KCTD9: variants seen among roughly 807,000 people sequenced by gnomAD.
The protein encoded by KCTD9 is potassium channel tetramerization domain containing 9.
In KCTD9, 17 loss-of-function variants were observed where a neutral mutation model predicts 53.3. The ratio of observed to expected loss-of-function variants is 0.32; its 90% CI spans 0.22 to 0.48. The LOEUF is 0.48. KCTD9 is among the 20% of genes least tolerant of loss of function. The pLI, the probability that KCTD9 is intolerant of heterozygous loss-of-function variation, is 0.99. For synonymous variants in KCTD9, 128 were observed against 162.7 expected, an observed-to-expected ratio of 0.79 and a Z score of 1.62; for missense variants, 179 against 465.5, an observed-to-expected ratio of 0.38 and a Z score of 5.66.
At chr8:25,433,474 T>C in intron 9 of KCTD9, 39 bp from the exon 10 acceptor site, 1 of 1,271,540 alleles carries the variant, frequency 7.9e-7, no homozygotes, top group Non-Finnish European at 1.1e-6. Context: ...GTAAGGTTCA[T>C]AATTTTGTTC....
At position 25,442,702 on chromosome 8, in the gene KCTD9, G is replaced by A. The variant is rs115532504; in HGVS notation, c.214+1590C>T. Among the ~76,000 whole-genome samples, 360 of 152,242 alleles carry A rather than the reference G, an allele frequency of 2.4e-3. 1 individual carries two copies. The highest frequency in any genetic ancestry group is 8.1e-3 in the African/African-American group (338 of 41,556). ...GTAAAACTAAATGAGTGTATAAAGG[G>A]AGACACTATAATATACAATGGCTAT... On this transcript the variant is annotated intron_variant, in intron 3 of 11. Coordinates refer to ENST00000221200, the MANE Select transcript of KCTD9 (RefSeq NM_017634.4).
At chr8:25,440,894 T>C (rs559307987) in intron 3 of KCTD9, among the ~76,000 whole-genome samples, 1 of 152,250 alleles carries the variant, frequency 6.6e-6, no homozygotes, top group South Asian at 2.1e-4. Context: ...TTTCAGCGCC[T>C]GTGAAAGAAA....
intron 1 of KCTD9, among the ~76,000 whole-genome samples, chr8:25,455,530 G>A (rs1217096281): frequency 6.6e-6 from 1 of 152,092 alleles, no homozygotes; most frequent in Non-Finnish European, 1.5e-5. Context: ...TTAGTCTCAT[G>A]GTTTATACAT....
intron 1 of KCTD9, among the ~76,000 whole-genome samples, chr8:25,455,614 T>C (rs2117451033): frequency 6.6e-6 from 1 of 152,362 alleles, no homozygotes; most frequent in South Asian, 2.1e-4. Context: ...TGTCTCAAGC[T>C]GCAGTTTCTT....
At chr8:25,447,956 G>A (rs529197492) in intron 1 of KCTD9, among the ~76,000 whole-genome samples, 1 of 151,980 alleles carries the variant, frequency 6.6e-6, no homozygotes, top group African/African-American at 2.4e-5. Context: ...GTGAAACATG[G>A]TCTCTACAAA....
In KCTD9 at chr8:25,432,413, C is replaced by T. The variant is rs952478713; in HGVS notation, c.1053+91G>A. 12 of 1,125,292 alleles carry T rather than the reference C, an allele frequency of 1.1e-5. No homozygotes were observed. The African/African-American group carries it at 1.7e-4, about 16-fold the overall frequency. 69.7% of individuals were successfully genotyped at this position (1,125,292 alleles called of 1,614,324 possible). ...GAGTCTTCCAATCCAGTTTTACCAG[C>T]CAACTACTTTGTTTTGATTTCAATA... is the stretch of plus-strand genomic sequence containing the variant. On this transcript the variant is annotated intron_variant, in intron 11 of 11. Coordinates refer to ENST00000221200, the MANE Select transcript of KCTD9 (RefSeq NM_017634.4).
intron 3 of KCTD9, among the ~76,000 whole-genome samples, chr8:25,440,893 C>T (rs1362451568): frequency 6.6e-6 from 1 of 152,130 alleles, no homozygotes; most frequent in Non-Finnish European, 1.5e-5. Context: ...CTTTCAGCGC[C>T]TGTGAAAGAA....
intron 1 of KCTD9, among the ~76,000 whole-genome samples, chr8:25,452,390 A>T (rs1228718755): frequency 6.6e-6 from 1 of 152,224 alleles, no homozygotes; most frequent in Non-Finnish European, 1.5e-5. Context: ...ATTATTTTGC[A>T]AAACTGAATA....
chr8:25,448,662 A>G (rs534564586), intron 1 of KCTD9, among the ~76,000 whole-genome samples: 27 of 152,220 alleles, frequency 1.8e-4, no homozygotes, highest in African/African-American at 6.5e-4. Context: ...CGCCTGTAAA[A>G]TCTGCACTAT....
Position 25,458,429 on chromosome 8 carries a change from T to C in KCTD9, c.-183A>G. The stretch of plus-strand genomic sequence containing the variant: ...TGTCCCACACCCAAGGTTCGGCCGG[T>C]CCTCCTTCCCACCCCGCCCCTAGGC... On this transcript the variant is annotated 5_prime_UTR_variant, in exon 1 of 12. Transcript: ENST00000221200. 1 of 679,784 alleles carries C rather than the reference T, an allele frequency of 1.5e-6. No homozygotes were observed. The highest frequency in any genetic ancestry group is 2.6e-6 in the Non-Finnish European group (1 of 388,640). The allele number at this position is 679,784 out of a possible 1,614,324, so 42.1% of individuals were successfully genotyped here.
rs184696853 is a variant in KCTD9 at position 25,456,962 on chromosome 8, T to C, written c.48+1237A>G. On this transcript the variant is annotated intron_variant, in intron 1 of 11. Transcript: ENST00000221200. ...TTTTAGATAACAGGTAGTAGCTAAG[T>C]ACAGAACAGGTTTAGAAAAAGTTAA... Among the ~76,000 whole-genome samples, 4 of 152,334 alleles carry C rather than the reference T, an allele frequency of 2.6e-5. No homozygotes were observed. The East Asian group carries it at 7.7e-4, about 29-fold the overall frequency.
chr8:25,430,775 T>C (rs1466912673), intron 11 of KCTD9, among the ~76,000 whole-genome samples: 1 of 151,096 alleles, frequency 6.6e-6, no homozygotes, highest in African/African-American at 2.4e-5. Context: ...GGACCACTGA[T>C]TTAAAATACA....
At chr8:25,431,559 A>G (rs191319426) in intron 11 of KCTD9, among the ~76,000 whole-genome samples, 6 of 152,170 alleles carry the variant, frequency 3.9e-5, no homozygotes, top group Admixed American at 6.5e-5. Flanking sequence ...AGTCTTTGCA[A>G]TCAGAGAGAG....
At chr8:25,440,514 G>T in intron 4 of KCTD9, 63 bp downstream of exon 4, 1 of 1,081,390 alleles carries the variant, frequency 9.2e-7, no homozygotes, top group South Asian at 1.3e-5. Flanking sequence ...GCAAATTGAA[G>T]AACAAAGGGT....
At chr8:25,443,622 T>G (rs1012431159) in intron 3 of KCTD9, among the ~76,000 whole-genome samples, 3 of 152,074 alleles carry the variant, frequency 2.0e-5, no homozygotes, top group African/African-American at 7.2e-5. Flanking sequence ...CAGACAAGAG[T>G]ATGCACTTAC....
intron 1 of KCTD9, among the ~76,000 whole-genome samples, chr8:25,449,318 T>A (rs1375744561): frequency 1.3e-5 from 2 of 152,218 alleles, no homozygotes; most frequent in Non-Finnish European, 2.9e-5. Flanking sequence ...TACCTCTGGC[T>A]CTTACATCTC....
At chr8:25,447,695 G>A (rs1303037800) in intron 1 of KCTD9, among the ~76,000 whole-genome samples, 1 of 152,136 alleles carries the variant, frequency 6.6e-6, no homozygotes, top group Admixed American at 6.5e-5. Flanking sequence ...GGGGCATTTT[G>A]GAAAGTGTTG....
intron 5 of KCTD9, 31 bp downstream of exon 5, chr8:25,439,575 A>G (rs767374990): frequency 8.7e-6 from 14 of 1,611,326 alleles, no homozygotes; most frequent in Non-Finnish European, 1.1e-5. Flanking sequence ...AACAGGTAAG[A>G]TGAAATGTGA....
At chr8:25,451,566 T>A (rs1802320405) in intron 1 of KCTD9, 1 of 152,218 alleles carries the variant, frequency 6.6e-6, no homozygotes, top group Non-Finnish European at 1.5e-5. Context: ...GCATTTTACA[T>A]TTATTGAGAA....
Sources: gnomAD v4.1 joint callset for allele counts (sites outside exome capture counted in the v4.1 genomes callset) on GRCh38, gnomAD v4.1.1 for gene constraint, MANE v1.5 for transcripts, NCBI Gene and HGNC (gene_info 2026-07-23, HGNC 2026-07-21) for gene names.